Variants in NBAS observed in about 807,000 individuals in gnomAD.
The protein encoded by NBAS is NBAS subunit of NRZ tethering complex.
In NBAS, 219 loss-of-function variants were observed where a neutral mutation model predicts 302.5. The observed-to-expected ratio is 0.72, with a 90% confidence interval of 0.65 to 0.81. The LOEUF (loss-of-function observed/expected upper bound fraction) is 0.81. NBAS is among the 30% of genes least tolerant of loss of function. NBAS has a pLI of 0.00. For synonymous variants in NBAS, 1,118 were observed against 1,021.6 expected (o/e 1.09, Z -1.80); for missense variants, 2,932 against 2,841.6 (o/e 1.03, Z -0.72).
chr2:15,058,407 C>A, the NBAS span, among the ~76,000 whole-genome samples: 7 of 152,166 alleles, frequency 4.6e-5, no homozygotes, highest in Non-Finnish European at 8.8e-5. Context: ...TTAAGAAACC[C>A]TATAATTTAT....
At position 15,190,345 on chromosome 2, in the gene NBAS, A is replaced by T; in HGVS notation, c.6491T>A (p.Leu2164Gln). Residue 2164 changes from leucine to glutamine, a missense_variant, in exon 49 of 52, where the codon CTG becomes CAG. Coordinates refer to ENST00000281513, the MANE Select transcript of NBAS (RefSeq NM_015909.4). The part of the protein sequence containing the change: ...ENRYCLFMEL[L>Q]ESSHHEAEFQ... ...TTCAGCCTCGTGGTGACTAGATTCC[A>T]GGAGTTCCATGAATAGACAGTAGCG... 6.2e-7 allele frequency: 1 copy of T among 1,614,062 alleles called. No individual in the cohort carries two copies. Among genetic ancestry groups the T allele is most frequent in the Non-Finnish European group, 8.5e-7 (1 of 1,179,936 alleles).
At chr2:14,962,771 T>G in the NBAS span, among the ~76,000 whole-genome samples, 1 of 152,078 alleles carries the variant, frequency 6.6e-6, no homozygotes, top group Non-Finnish European at 1.5e-5. Context: ...ACCCCTACTT[T>G]TCACTGATGT....
the NBAS span, among the ~76,000 whole-genome samples, chr2:14,812,355 T>G: frequency 1.3e-5 from 2 of 152,146 alleles, no homozygotes; most frequent in African/African-American, 4.8e-5. Context: ...TGAAAGGGAA[T>G]TATATAAGGA....
intron 6 of NBAS, among the ~76,000 whole-genome samples, chr2:15,548,037 C>T (rs972578152): frequency 6.6e-6 from 1 of 152,120 alleles, no homozygotes; most frequent in Admixed American, 6.6e-5. Context: ...CAAATTTATA[C>T]ATGGATCTCT....
At chr2:14,868,930 A>C in the NBAS span, among the ~76,000 whole-genome samples, 1 of 152,210 alleles carries the variant, frequency 6.6e-6, no homozygotes, top group Admixed American at 6.5e-5. Context: ...AGAATTTTCC[A>C]AAGGGAGTTG....
the NBAS span, among the ~76,000 whole-genome samples, chr2:14,875,639 T>G: frequency 6.6e-6 from 1 of 151,930 alleles, no homozygotes; most frequent in African/African-American, 2.4e-5. Context: ...ATAGTAAATT[T>G]TAGTTTAATA....
At chr2:15,095,481 T>G in the NBAS span, among the ~76,000 whole-genome samples, 12 of 152,206 alleles carry the variant, frequency 7.9e-5, no homozygotes, top group East Asian at 1.9e-3. Context: ...AAGAAATCAC[T>G]CCCATGATTC....
intron 19 of NBAS, 103 bp from the exon 20 acceptor site, chr2:15,461,894 A>G (rs574704042): frequency 8.6e-6 from 6 of 699,370 alleles, no homozygotes; most frequent in Admixed American, 4.8e-5. Flanking sequence ...CTAAATAAAT[A>G]AGGCCTGAAT....
intron 48 of NBAS, among the ~76,000 whole-genome samples, chr2:15,217,330 C>T (rs1157196834): frequency 6.6e-6 from 1 of 152,196 alleles, no homozygotes; most frequent in Non-Finnish European, 1.5e-5. Flanking sequence ...ATCTCAATTT[C>T]TCTAACTCTG....
chr2:15,466,926 G>C (rs897875500), intron 19 of NBAS, among the ~76,000 whole-genome samples: 2 of 120,804 alleles, frequency 1.7e-5, no homozygotes, highest in Non-Finnish European at 3.4e-5. Flanking sequence ...AACAGAGTGA[G>C]ATCCTATCTC....
chr2:14,929,340 T>C, the NBAS span, among the ~76,000 whole-genome samples: 1 of 151,892 alleles, frequency 6.6e-6, no homozygotes, highest in Admixed American at 6.6e-5. Flanking sequence ...GGATTTTATG[T>C]GAATATGAAA....
At chr2:15,132,056 A>G in the NBAS span, among the ~76,000 whole-genome samples, 1 of 152,322 alleles carries the variant, frequency 6.6e-6, no homozygotes, top group African/African-American at 2.4e-5. Context: ...CATATATTCA[A>G]ACTATATCAT....
chr2:15,461,782 C>T lies in NBAS; in HGVS notation c.2107G>A (p.Gly703Arg), dbSNP rs771968985. ...DRLATYEEIL[G>R]VPHASEQRYD... is the part of the protein sequence containing the mutation. ...CTCTGTTCAGATGCATGAGGCACTC[C>T]TAGGATTTCCTGAGGGGAAATTTAA... The change falls in exon 20 of 52, where the codon GGA (glycine) becomes AGA (arginine). Residue 703 changes from glycine to arginine, a missense_variant. Gly to Arg is a moderately radical substitution (Grantham distance 125). Transcript: ENST00000281513. The T allele has an allele frequency of 9.5e-6, 15 of 1,582,330 alleles. No individual in the cohort carries two copies. In the South Asian group the frequency reaches 1.6e-4, roughly 16 times the overall value.
chr2:15,181,082 T>C (rs1664797590), intron 50 of NBAS, among the ~76,000 whole-genome samples: 1 of 152,236 alleles, frequency 6.6e-6, no homozygotes, highest in African/African-American at 2.4e-5. Context: ...TGGGCAAGAA[T>C]ATTGTTCCTT....
At chr2:15,186,905 A>C (rs1665117486) in intron 49 of NBAS, 25 bp from the exon 50 acceptor site, 1 of 1,613,710 alleles carries the variant, frequency 6.2e-7, no homozygotes, top group African/African-American at 1.3e-5. Context: ...GAAAAATACA[A>C]GGCACTGGAA....
intron 51 of NBAS, among the ~76,000 whole-genome samples, chr2:15,171,239 T>A (rs1664277074): frequency 6.6e-6 from 1 of 152,134 alleles, no homozygotes; most frequent in African/African-American, 2.4e-5. Context: ...TCCTCCATAC[T>A]CCCAAGGCAC....
At chr2:15,399,966 C>T (rs1676068442) in intron 26 of NBAS, among the ~76,000 whole-genome samples, 1 of 152,006 alleles carries the variant, frequency 6.6e-6, no homozygotes, top group Admixed American at 6.6e-5. Context: ...TAAAAGTGTG[C>T]AATTGTGGCA....
At chr2:15,307,657 A>G (rs1215029589) in intron 40 of NBAS, among the ~76,000 whole-genome samples, 1 of 152,258 alleles carries the variant, frequency 6.6e-6, no homozygotes. Context: ...TGTCCACAAA[A>G]GAAGGCACAT....
chr2:15,379,291 AT>A (rs1039454000), intron 30 of NBAS, among the ~76,000 whole-genome samples: 3 of 151,378 alleles, frequency 2.0e-5, no homozygotes, highest in African/African-American at 7.3e-5. Flanking sequence ...TTACCTACGC[AT>A]GCTGAAAATT....
Sources: gnomAD v4.1 joint callset for allele counts (sites outside exome capture counted in the v4.1 genomes callset) on GRCh38, gnomAD v4.1.1 for gene constraint, MANE v1.5 for transcripts, NCBI Gene and HGNC (gene_info 2026-07-23, HGNC 2026-07-21) for gene names.